SAMD5: variants seen among roughly 807,000 people sequenced by gnomAD.
The protein encoded by SAMD5 is sterile alpha motif domain containing 5, also known as sterile alpha motif domain-containing protein 5.
A neutral mutation model predicts 11.3 loss-of-function variants in SAMD5; 13 were observed. The ratio of observed to expected loss-of-function variants is 1.15; its 90% CI spans 0.75 to 1.83. SAMD5 has a LOEUF of 1.83. SAMD5 is among the 40% of genes most tolerant of loss of function. The pLI, the probability that SAMD5 is intolerant of heterozygous loss-of-function variation, is 0.00. For synonymous variants in SAMD5, 129 were observed against 111.3 expected (o/e 1.16, Z -1.00); for missense variants, 255 against 239.1 (o/e 1.07, Z -0.44).
chr6:147,938,942 C>G, the SAMD5 span, among the ~76,000 whole-genome samples: 1 of 152,134 alleles, frequency 6.6e-6, no homozygotes, highest in African/African-American at 2.4e-5. Context: ...GGGCTGAGTT[C>G]CACAAGACTG....
chr6:147,829,308 G>T, the SAMD5 span, among the ~76,000 whole-genome samples: 1 of 152,216 alleles, frequency 6.6e-6, no homozygotes, highest in African/African-American at 2.4e-5. Flanking sequence ...GCGAGGAGAA[G>T]CTCTGAGGCT....
At chr6:147,697,752 G>T (rs1362317360) in intron 1 of SAMD5, among the ~76,000 whole-genome samples, 2 of 152,228 alleles carry the variant, frequency 1.3e-5, no homozygotes, top group Admixed American at 6.5e-5. Flanking sequence ...TTGTCTGGAT[G>T]TGGGGATATG....
At chr6:147,796,333 C>T in the SAMD5 span, among the ~76,000 whole-genome samples, 1 of 151,936 alleles carries the variant, frequency 6.6e-6, no homozygotes, top group African/African-American at 2.4e-5. Context: ...AATCCTTTCC[C>T]TATTGCTTGT....
chr6:147,954,642 C>G, the SAMD5 span, among the ~76,000 whole-genome samples: 1 of 137,278 alleles, frequency 7.3e-6, no homozygotes, highest in Non-Finnish European at 1.6e-5. Context: ...TTTTTAACCT[C>G]TTTTTTTTTT....
intron 1 of SAMD5, among the ~76,000 whole-genome samples, chr6:147,698,429 T>C (rs1431227745): frequency 6.6e-6 from 1 of 152,166 alleles, no homozygotes; most frequent in East Asian, 1.9e-4. Flanking sequence ...CTCCTTTCCC[T>C]TTGATTGTCC....
chr6:147,533,462 C>CAAAAAAAAA (rs57455955), intron 1 of SAMD5, among the ~76,000 whole-genome samples: 1 of 89,496 alleles, frequency 1.1e-5, no homozygotes, highest in Non-Finnish European at 2.5e-5. Flanking sequence ...AATTCCATCT[C>CAAAAAAAAA]AAAAAAAAAA....
chr6:147,807,207 C>A, the SAMD5 span, among the ~76,000 whole-genome samples: 5 of 152,230 alleles, frequency 3.3e-5, no homozygotes, highest in South Asian at 8.3e-4. Context: ...TCATGCCATT[C>A]TCCTACCTCA....
intron 1 of SAMD5, among the ~76,000 whole-genome samples, chr6:147,526,327 T>C (rs2128440645): frequency 6.6e-6 from 1 of 152,296 alleles, no homozygotes; most frequent in African/African-American, 2.4e-5. Flanking sequence ...CAAAGCACTG[T>C]TGGGGTGATG....
At chr6:147,890,968 A>G in the SAMD5 span, among the ~76,000 whole-genome samples, 3 of 152,252 alleles carry the variant, frequency 2.0e-5, no homozygotes, top group Admixed American at 6.5e-5. Context: ...CAGAAAATAA[A>G]AGAGCTACTA....
the SAMD5 span, among the ~76,000 whole-genome samples, chr6:147,785,630 G>A: frequency 1.6e-4 from 24 of 152,254 alleles, no homozygotes; most frequent in East Asian, 3.7e-3. Context: ...GTGCACATAT[G>A]CCTTACAGTT....
At chr6:147,827,828 G>T in the SAMD5 span, among the ~76,000 whole-genome samples, 20 of 151,250 alleles carry the variant, frequency 1.3e-4, no homozygotes, top group Admixed American at 3.9e-4. Context: ...CTCGCTCTGT[G>T]GCCCAGGCTG....
intron 1 of SAMD5, among the ~76,000 whole-genome samples, chr6:147,641,713 A>G (rs1477044272): frequency 6.6e-6 from 1 of 152,154 alleles, no homozygotes; most frequent in Admixed American, 6.6e-5. Context: ...GTTAACATCC[A>G]GCGGTCTCAA....
intron 1 of SAMD5, among the ~76,000 whole-genome samples, chr6:147,720,433 A>C (rs888437617): frequency 2.7e-5 from 4 of 150,636 alleles, no homozygotes; most frequent in South Asian, 2.1e-4. Context: ...ACTGCACTCC[A>C]GCCTGGGCGA....
At chr6:147,524,424 T>TG (rs1257411097) in intron 1 of SAMD5, among the ~76,000 whole-genome samples, 35 of 149,276 alleles carry the variant, frequency 2.3e-4, no homozygotes, top group Non-Finnish European at 3.4e-4. Flanking sequence ...TTTTTGTTGT[T>TG]TTTTTTTTTT....
chr6:147,606,202 C>T (rs1457455485), intron 1 of SAMD5, among the ~76,000 whole-genome samples: 2 of 152,150 alleles, frequency 1.3e-5, no homozygotes, highest in African/African-American at 4.8e-5. Flanking sequence ...GTGCAGTAGA[C>T]AGGACCCAAG....
In SAMD5 at chr6:147,566,845, G is replaced by C. The variant is rs1459103176; in HGVS notation, c.*2389G>C. On this transcript the variant is annotated 3_prime_UTR_variant, in exon 2 of 2. Transcript: ENST00000367474. ...AGATGAGGTAAGAGGTAGAATATAA[G>C]AGAAAGGGATTATTTTTACCATGAA... 1.0e-6 allele frequency: 1 copy of C among 978,840 alleles called. No individual in the cohort carries two copies. The allele number at this position is 978,840 out of a possible 1,614,324, so 60.6% of individuals were successfully genotyped here.
chr6:147,794,773 G>A, the SAMD5 span, among the ~76,000 whole-genome samples: 128 of 152,192 alleles, frequency 8.4e-4, no homozygotes, highest in Non-Finnish European at 1.6e-3. Flanking sequence ...TTCTGCCAAT[G>A]TCCCTAGGTA....
the SAMD5 span, among the ~76,000 whole-genome samples, chr6:147,914,271 G>A: frequency 9.3e-5 from 14 of 150,910 alleles, no homozygotes; most frequent in African/African-American, 2.9e-4. Flanking sequence ...AAAAGATTGC[G>A]CACCCCTAGT....
chr6:147,549,208 C>CA (rs1788730519), intron 1 of SAMD5, among the ~76,000 whole-genome samples: 1 of 152,188 alleles, frequency 6.6e-6, no homozygotes, highest in South Asian at 2.1e-4. Flanking sequence ...TACTTGCGTG[C>CA]ACCAGTTCAA....
Sources: gnomAD v4.1 joint callset for allele counts (sites outside exome capture counted in the v4.1 genomes callset) on GRCh38, gnomAD v4.1.1 for gene constraint, MANE v1.5 for transcripts, NCBI Gene and HGNC (gene_info 2026-07-23, HGNC 2026-07-21) for gene names.